Variants in PMPCB observed in about 807,000 individuals in gnomAD.
PMPCB encodes peptidase, mitochondrial processing subunit beta, also known as mitochondrial-processing peptidase subunit beta.
Under a neutral mutation model 61.5 loss-of-function variants are expected in PMPCB, and 46 were observed. That is an observed-to-expected ratio of 0.75 (90% CI 0.59 to 0.96). PMPCB has a LOEUF of 0.96. PMPCB is among the 40% of genes least tolerant of loss of function. The pLI is 0.00. For missense variants in PMPCB, 590 were observed against 602.4 expected (o/e 0.98, Z 0.22); for synonymous variants, 191 against 201.6 (o/e 0.95, Z 0.44).
chr7:103,303,376 C>G (rs1370050572), intron 4 of PMPCB, among the ~76,000 whole-genome samples: 2 of 152,192 alleles, frequency 1.3e-5, no homozygotes, highest in Non-Finnish European at 2.9e-5. Flanking sequence ...TCCCAAAGTG[C>G]TGGGATTATA....
At chr7:103,300,893 A>G (rs1817432699) in intron 4 of PMPCB, among the ~76,000 whole-genome samples, 1 of 152,154 alleles carries the variant, frequency 6.6e-6, no homozygotes, top group African/African-American at 2.4e-5. Flanking sequence ...CATGTTGGCC[A>G]GGCTGGACTT....
At chr7:103,344,220 G>T in the PMPCB span, 1 of 326,896 alleles carries the variant, frequency 3.1e-6, no homozygotes, top group Non-Finnish European at 5.6e-6. Flanking sequence ...TGCTCGCTGC[G>T]CGTAGTCTTT....
downstream of PMPCB, among the ~76,000 whole-genome samples, chr7:103,332,105 T>A (rs941190973): frequency 6.6e-6 from 1 of 151,674 alleles, no homozygotes; most frequent in African/African-American, 2.4e-5. Context: ...CTCGGGTTCA[T>A]GCCATTCTCC....
At chr7:103,297,883 A>G in intron 1 of PMPCB, 3 of 1,401,444 alleles carry the variant, frequency 2.1e-6, no homozygotes, top group Non-Finnish European at 2.8e-6. Flanking sequence ...GTACCGCTCC[A>G]GAGTTCTATT....
In PMPCB at chr7:103,314,019, G is replaced by A. The variant is rs1320327846; in HGVS notation, c.*1748G>A. 1.0e-6 allele frequency: 1 copy of A among 985,156 alleles called. No individual in the cohort carries two copies. Among genetic ancestry groups the A allele is most frequent in the Non-Finnish European group, 1.2e-6 (1 of 829,884 alleles). 61.0% of individuals were successfully genotyped at this position (985,156 alleles called of 1,614,324 possible). ...AAACCAAAGTTCCTTCCCAATTAAA[G>A]AAGGAAAAACAAAACAAAACAAAAC... is the stretch of plus-strand genomic sequence containing the variant. On this transcript the variant is annotated 3_prime_UTR_variant, in exon 13 of 13. Coordinates refer to ENST00000249269, the MANE Select transcript of PMPCB (RefSeq NM_004279.3).
chr7:103,335,348 T>C, the PMPCB span: 4 of 152,202 alleles, frequency 2.6e-5, no homozygotes, highest in Non-Finnish European at 5.9e-5. Context: ...GAGTAGCAAC[T>C]GTGTTTTACA....
the PMPCB span, chr7:103,344,727 G>A: frequency 8.4e-7 from 1 of 1,185,290 alleles, no homozygotes; most frequent in Non-Finnish European, 1.2e-6. Flanking sequence ...TCGCGCCTTG[G>A]CTCTAAGACG....
Position 103,312,318 on chromosome 7 carries a change from A to G in PMPCB, c.*47A>G. On this transcript the variant is annotated 3_prime_UTR_variant, in exon 13 of 13. Transcript: ENST00000249269. ...TTGAACACATGTATTTATAAAACAG[A>G]GCTAGAGAAAAATAAAAATGAACAT... 1 of 1,599,640 alleles carries G rather than the reference A, an allele frequency of 6.3e-7. No homozygotes were observed. The highest frequency in any genetic ancestry group is 1.1e-5 in the South Asian group (1 of 89,992).
intron 12 of PMPCB, among the ~76,000 whole-genome samples, chr7:103,320,556 C>T (rs933172029): frequency 6.6e-5 from 10 of 151,008 alleles, no homozygotes; most frequent in East Asian, 2.0e-4. Flanking sequence ...GTCAGGAGAT[C>T]GAGACCATCC....
chr7:103,347,079 T>C, the PMPCB span, among the ~76,000 whole-genome samples: 4 of 152,238 alleles, frequency 2.6e-5, no homozygotes, highest in African/African-American at 9.6e-5. Flanking sequence ...TCATACTGTT[T>C]CCCACAGCAG....
downstream of PMPCB, chr7:103,316,635 T>C (rs369073988): frequency 1.7e-6 from 1 of 579,630 alleles, no homozygotes; most frequent in Admixed American, 3.2e-5. Flanking sequence ...CTGTCATATG[T>C]ATATGTGCAT....
rs1193196924 is a variant in PMPCB at position 103,312,628 on chromosome 7, C to T, written c.*357C>T. ...TCTTGAGCAGCTTTCTTTGCTTTTA[C>T]CATCTCGACAAGTTCCTAGGAAGGG... On this transcript the variant is annotated 3_prime_UTR_variant, in exon 13 of 13. Transcript: ENST00000249269. 3 of 1,613,316 alleles carry T rather than the reference C, an allele frequency of 1.9e-6. No individual in the cohort carries two copies. Among genetic ancestry groups the T allele is most frequent in the Non-Finnish European group, 1.7e-6 (2 of 1,179,784 alleles).
intron 8 of PMPCB, among the ~76,000 whole-genome samples, chr7:103,309,715 C>T (rs1817685441): frequency 6.6e-6 from 1 of 152,156 alleles, no homozygotes; most frequent in East Asian, 1.9e-4. Context: ...GATGTAAGAA[C>T]ATTAATTTCC....
At chr7:103,317,528 C>G (rs139859493), downstream of PMPCB, among the ~76,000 whole-genome samples, 5 of 152,322 alleles carry the variant, frequency 3.3e-5, no homozygotes, top group East Asian at 7.7e-4. Context: ...CAGCTGCTAT[C>G]TTAAGAGTCA....
chr7:103,310,565 AT>A, intron 9 of PMPCB, 90 bp downstream of exon 9: 1 of 1,025,984 alleles, frequency 9.7e-7, no homozygotes, highest in Non-Finnish European at 1.4e-6. Flanking sequence ...ATTTATGGTA[AT>A]TTTACCTTTT....
At chr7:103,344,275 T>G in the PMPCB span, 1 of 514,464 alleles carries the variant, frequency 1.9e-6, no homozygotes, top group South Asian at 2.7e-5. Flanking sequence ...TCTGGGGTGC[T>G]GGGGGGTTCC....
In PMPCB at chr7:103,313,106, T is replaced by G; in HGVS notation, c.*835T>G. The G allele has an allele frequency of 6.3e-7, 1 of 1,593,872 alleles. No homozygotes were observed. Among genetic ancestry groups the G allele is most frequent in the Non-Finnish European group, 8.5e-7 (1 of 1,174,058 alleles). ...GGGTGAAGTCTGTATATGGACCTGA[T>G]TAAGAAAAATTTTTATTTGAAAACT... On this transcript the variant is annotated 3_prime_UTR_variant, in exon 13 of 13. Transcript: ENST00000249269.
the PMPCB span, chr7:103,342,084 C>T: frequency 2.2e-5 from 13 of 578,434 alleles, no homozygotes; most frequent in South Asian, 1.2e-4. Flanking sequence ...CCACCGACTA[C>T]GAAAATAATT....
the PMPCB span, chr7:103,344,504 G>A: frequency 1.3e-6 from 2 of 1,597,360 alleles, no homozygotes; most frequent in Non-Finnish European, 1.7e-6. Context: ...CGAGGCGGAG[G>A]ACTGAGGCAG....
Sources: gnomAD v4.1 joint callset for allele counts (sites outside exome capture counted in the v4.1 genomes callset) on GRCh38, gnomAD v4.1.1 for gene constraint, MANE v1.5 for transcripts, NCBI Gene and HGNC (gene_info 2026-07-23, HGNC 2026-07-21) for gene names.